The following NAV1 variants were observed in gnomAD, a reference collection of about 807,000 sequenced individuals.
NAV1 encodes the protein neuron navigator 1.
A neutral mutation model predicts 175.2 loss-of-function variants in NAV1; 18 were observed. The observed-to-expected ratio is 0.10, with a 90% CI of 0.07 to 0.15. NAV1 has a LOEUF of 0.15. Among genes scored for constraint, NAV1 ranks in the 10% least tolerant of loss-of-function variants. NAV1 has a pLI of 1.00. For missense variants in NAV1, 1,731 were observed against 2,436.6 expected (o/e 0.71, Z 6.10); for synonymous variants, 897 against 978.7 (o/e 0.92, Z 1.56).
chr1:201,608,305 T>C (rs1053094153), intron 2 of NAV1, among the ~76,000 whole-genome samples: 4 of 152,162 alleles, frequency 2.6e-5, no homozygotes, highest in African/African-American at 9.7e-5. Flanking sequence ...TGTCATTCAG[T>C]GTGGCGATGA....
At chr1:201,701,995 AATAG>A (rs1478984425) in intron 1 of NAV1, among the ~76,000 whole-genome samples, 3 of 152,256 alleles carry the variant, frequency 2.0e-5, no homozygotes, top group African/African-American at 7.2e-5. Flanking sequence ...CTATGAAATG[AATAG>A]ATAAACTAAA....
chr1:201,642,887 A>G (rs953989748), intron 2 of NAV1, among the ~76,000 whole-genome samples: 3 of 151,670 alleles, frequency 2.0e-5, no homozygotes, highest in African/African-American at 7.3e-5. Context: ...CTCCTGCCTC[A>G]GCCTCCCAAG....
intron 2 of NAV1, among the ~76,000 whole-genome samples, chr1:201,635,161 C>G (rs916975708): frequency 1.3e-4 from 20 of 152,134 alleles, no homozygotes; most frequent in Non-Finnish European, 2.2e-4. Context: ...ACCTAACCCT[C>G]CCAAGTAGCT....
rs1571858664 is a variant in NAV1 at position 201,642,557 on chromosome 1, T to TTTCTTCCTTCCTTCCTTCCTTCCTCTTTC, written c.5-6074_5-6073insTTCCTTCCTTCCTTCCTTCCTCTTTCTTC. 1.2e-4 allele frequency among the ~76,000 whole-genome samples: 13 copies of TTTCTTCCTTCCTTCCTTCCTTCCTCTTTC among 106,012 alleles called. 1 individual carries two copies. The highest frequency in any genetic ancestry group is 4.7e-4 in the African/African-American group (11 of 23,508). 69.5% of individuals were successfully genotyped at this position (106,012 alleles called of 152,430 possible). A position where few individuals can be genotyped will look rare whatever the true frequency, so the allele number is the denominator to read the frequency against. ...TCTTTCTTTCTTTCTTTCTTTCTTTTTTCCCTTTCTTCCCTTCCTTCTCTT... is the reference window on the plus strand; with the variant it reads ...TCTTTCTTTCTTTCTTTCTTTCTTTTTTCTTCCTTCCTTCCTTCCTTCCTCTTTCTTCCCTTTCTTCCCTTCCTTCTCTT... On this transcript the variant is annotated intron_variant, in intron 2 of 29. Coordinates refer to the NAV1 transcript ENST00000367302.
At chr1:201,568,471 T>A (rs1666430161) in intron 1 of NAV1, among the ~76,000 whole-genome samples, 1 of 152,202 alleles carries the variant, frequency 6.6e-6, no homozygotes, top group African/African-American at 2.4e-5. Flanking sequence ...GGTGGTGGTA[T>A]GTCTGGCCAC....
At chr1:201,667,512 C>T (rs1157524626) in intron 1 of NAV1, among the ~76,000 whole-genome samples, 2 of 152,164 alleles carry the variant, frequency 1.3e-5, no homozygotes, top group Non-Finnish European at 2.9e-5. Flanking sequence ...CGGTGAGTGG[C>T]AGATCAGAGA....
At chr1:201,690,007 G>T (rs1670842237) in intron 1 of NAV1, among the ~76,000 whole-genome samples, 2 of 146,534 alleles carry the variant, frequency 1.4e-5, no homozygotes, top group East Asian at 2.1e-4. Flanking sequence ...TGCAGTGTGT[G>T]TCTGTTTCCT....
At chr1:201,570,943 T>C (rs1217493957) in intron 1 of NAV1, among the ~76,000 whole-genome samples, 1 of 152,270 alleles carries the variant, frequency 6.6e-6, no homozygotes, top group African/African-American at 2.4e-5. Context: ...GCAACAAAGC[T>C]ATCTCATTTC....
At chr1:201,547,090 G>A (rs960968655) in intron 1 of NAV1, among the ~76,000 whole-genome samples, 2 of 150,846 alleles carry the variant, frequency 1.3e-5, no homozygotes, top group Admixed American at 6.6e-5. Context: ...GGGTTCAAGC[G>A]ATTCTCCAGC....
chr1:201,660,798 G>T (rs530087438), intron 1 of NAV1, among the ~76,000 whole-genome samples: 8 of 152,324 alleles, frequency 5.3e-5, no homozygotes, highest in Admixed American at 2.0e-4. Context: ...ACCCTCACAG[G>T]TTTCAGAGCT....
chr1:201,718,775 G>T lies in NAV1; in HGVS notation c.1226+20G>T. ...TACCGGGTAAGCGCAGGGGCTTCTT[G>T]GATGGCGGGGGAGGATGGTGGAAAG... On this transcript the variant is annotated intron_variant, in intron 3 of 29. Coordinates refer to ENST00000367296, the Ensembl canonical transcript of NAV1. The surrounding 1 kb of genome is among the most constrained non-coding windows in gnomAD (Gnocchi z 4.8). 1 of 1,579,448 alleles carries T rather than the reference G, an allele frequency of 6.3e-7. No homozygotes were observed. The highest frequency in any genetic ancestry group is 8.6e-7 in the Non-Finnish European group (1 of 1,156,684).
rs1421753496 is a variant in NAV1, at chr1:201,750,514, A to T, written c.1227-29907A>T. ...TTAGTAAAAACGATTGCTCTTCTTA[A>T]AAAAGGGCTTGCAAGCCACCAGATT... On this transcript the variant is annotated intron_variant, in intron 3 of 29. Coordinates refer to ENST00000367296, the Ensembl canonical transcript of NAV1. The surrounding 1 kb of genome is among the most constrained non-coding windows in gnomAD (Gnocchi z 4.1). 6.6e-6 allele frequency among the ~76,000 whole-genome samples: 1 copy of T among 152,076 alleles called. No homozygotes were observed. The highest frequency in any genetic ancestry group is 2.4e-5 in the African/African-American group (1 of 41,394).
At chr1:201,701,009 CAAAA>C (rs386369321) in intron 1 of NAV1, among the ~76,000 whole-genome samples, 36 of 52,756 alleles carry the variant, frequency 6.8e-4, no homozygotes, top group African/African-American at 2.3e-3. Flanking sequence ...GACTCTGTCT[CAAAA>C]AAAAAAAAAA....
At chr1:201,582,050 C>T (rs1463135335) in intron 1 of NAV1, among the ~76,000 whole-genome samples, 2 of 152,094 alleles carry the variant, frequency 1.3e-5, no homozygotes, top group African/African-American at 4.8e-5. Context: ...GAGCTGAGAT[C>T]GCGCCACTGC....
chr1:201,751,692 A>G (rs1004011322), intron 3 of NAV1, among the ~76,000 whole-genome samples: 1 of 152,204 alleles, frequency 6.6e-6, no homozygotes, highest in Non-Finnish European at 1.5e-5. Flanking sequence ...ATGTTTGGTA[A>G]AGCTGGCATT....
At chr1:201,623,686 C>A in intron 1 of NAV1, 80 bp downstream of exon 3, 1 of 984,582 alleles carries the variant, frequency 1.0e-6, no homozygotes, top group Non-Finnish European at 1.2e-6. Context: ...GGACAGGGAC[C>A]CTGGTGATCA....
chr1:201,581,460 G>A lies in NAV1; in HGVS notation c.-143-7079G>A, dbSNP rs74609245. ...AGCATCCCAGTAAGGATGTCAGGTG[G>A]ACAAGTGTCTCAGTGGAGAAGTTAA... On this transcript the variant is annotated intron_variant, in intron 1 of 33. Transcript: ENST00000685211. Among the ~76,000 whole-genome samples, 649 of 152,320 alleles carry A rather than the reference G, an allele frequency of 4.3e-3. 21 individuals are homozygous for A. In the East Asian group the frequency reaches 0.079, roughly 19 times the overall value.
In NAV1 at chr1:201,539,882, G is replaced by A. The variant is rs1386393870; in HGVS notation, c.-144+540G>A. Among the ~76,000 whole-genome samples, 1 of 152,156 alleles carries A rather than the reference G, an allele frequency of 6.6e-6. No homozygotes were observed. Among genetic ancestry groups the A allele is most frequent in the Non-Finnish European group, 1.5e-5 (1 of 68,022 alleles). On this transcript the variant is annotated intron_variant, in intron 1 of 33. Transcript: ENST00000685211. The surrounding 1 kb of genome is among the most constrained non-coding windows in gnomAD (Gnocchi z 5.6). ...GTTCCCCGCACCCCCGGGATGCGCC[G>A]GGAAGCGCCCTCCCGCCAATCTCCC...
At chr1:201,624,379 T>G (rs1011596317) in intron 1 of NAV1, among the ~76,000 whole-genome samples, 2 of 137,292 alleles carry the variant, frequency 1.5e-5, no homozygotes, top group Non-Finnish European at 3.1e-5. Context: ...CATCTCACTC[T>G]ATCGCCCAGG....
Sources: gnomAD v4.1 joint callset for allele counts (sites outside exome capture counted in the v4.1 genomes callset) on GRCh38, gnomAD v4.1.1 for gene constraint, Gnocchi (gnomAD v3.1) non-coding constraint, MANE v1.5 for transcripts, NCBI Gene and HGNC (gene_info 2026-07-23, HGNC 2026-07-21) for gene names.